XRCC4: variants seen among roughly 807,000 people sequenced by gnomAD.
The protein encoded by XRCC4 is DNA repair protein XRCC4.
A neutral mutation model predicts 39.1 loss-of-function variants in XRCC4; 28 were observed. The observed-to-expected ratio is 0.72, with a 90% CI of 0.53 to 0.98. XRCC4 has a LOEUF of 0.98. Among genes scored for constraint, XRCC4 ranks in the 50% least tolerant of loss-of-function variants. The pLI is 0.00. For missense variants in XRCC4, 350 were observed against 376.4 expected (o/e 0.93, Z 0.58); for synonymous variants, 123 against 126.4 (o/e 0.97, Z 0.18).
intron 3 of XRCC4, among the ~76,000 whole-genome samples, chr5:83,141,709 TA>T (rs1432338126): frequency 1.3e-5 from 2 of 152,166 alleles, no homozygotes; most frequent in African/African-American, 4.8e-5. Flanking sequence ...TTAGGGACAT[TA>T]ACACTTTATT....
In XRCC4 at chr5:83,353,249, CA is replaced by C. The variant is rs1176304411; in HGVS notation, c.*13del. ...CCTCTTTGATGAGATTTAACAGTCT[CA>C]AAAAATACTTTGATGTTCACTAGAC... On this transcript the variant is annotated 3_prime_UTR_variant, in exon 8 of 8. Transcript: ENST00000396027. 1.3e-6 allele frequency: 2 copies of C among 1,568,826 alleles called. No individual in the cohort carries two copies. The highest frequency in any genetic ancestry group is 1.9e-5 in the Admixed American group (1 of 52,124).
At chr5:83,277,105 A>G (rs1279825823) in intron 7 of XRCC4, among the ~76,000 whole-genome samples, 1 of 152,184 alleles carries the variant, frequency 6.6e-6, no homozygotes, top group Non-Finnish European at 1.5e-5. Flanking sequence ...ATTTGTTGGG[A>G]ACCTTTCAAG....
chr5:83,224,166 G>C (rs961046045), intron 6 of XRCC4, among the ~76,000 whole-genome samples: 2 of 151,824 alleles, frequency 1.3e-5, no homozygotes, highest in Admixed American at 1.3e-4. Context: ...CTGCAATTTT[G>C]TTTATTATTT....
intron 7 of XRCC4, among the ~76,000 whole-genome samples, chr5:83,284,053 A>AAAAAACC (rs1754648260): frequency 1.3e-5 from 1 of 74,690 alleles, no homozygotes; most frequent in African/African-American, 7.6e-5. Flanking sequence ...AACCCAGAGC[A>AAAAAACC]AAAAAAAAAA....
intron 4 of XRCC4, among the ~76,000 whole-genome samples, chr5:83,196,301 T>C (rs28360141): frequency 0.032 from 4,876 of 152,150 alleles, 126 homozygotes; most frequent in South Asian, 0.13. Flanking sequence ...AAAATAAGCA[T>C]AATTGATTTC....
At chr5:83,141,949 A>G (rs1205907440) in intron 3 of XRCC4, among the ~76,000 whole-genome samples, 1 of 152,072 alleles carries the variant, frequency 6.6e-6, no homozygotes, top group Non-Finnish European at 1.5e-5. Flanking sequence ...TTCTCTCTAT[A>G]TCTTTTACAC....
At chr5:83,240,635 A>C (rs1752872184) in intron 6 of XRCC4, among the ~76,000 whole-genome samples, 1 of 152,210 alleles carries the variant, frequency 6.6e-6, no homozygotes. Flanking sequence ...AAAAATGTCC[A>C]GGAAACACTT....
intron 6 of XRCC4, among the ~76,000 whole-genome samples, chr5:83,225,324 C>A (rs10036673): frequency 1.3e-5 from 2 of 151,920 alleles, no homozygotes; most frequent in African/African-American, 4.8e-5. Flanking sequence ...CTTCATGATG[C>A]GGCTGGGTGT....
chr5:83,156,348 T>C (rs1369211637), intron 3 of XRCC4, among the ~76,000 whole-genome samples: 1 of 151,680 alleles, frequency 6.6e-6, no homozygotes, highest in Non-Finnish European at 1.5e-5. Flanking sequence ...AATATGTTAT[T>C]TAGAGAGAGA....
chr5:83,174,562 C>G (rs1439699213), intron 3 of XRCC4, among the ~76,000 whole-genome samples: 1 of 152,042 alleles, frequency 6.6e-6, no homozygotes, highest in Non-Finnish European at 1.5e-5. Flanking sequence ...ATTTTTTGGC[C>G]ATGGATAAGT....
intron 3 of XRCC4, among the ~76,000 whole-genome samples, chr5:83,173,641 G>A (rs1355719859): frequency 2.6e-5 from 4 of 152,164 alleles, no homozygotes; most frequent in African/African-American, 9.6e-5. Context: ...TCAGGGGAAG[G>A]TAAGGACAGA....
intron 3 of XRCC4, among the ~76,000 whole-genome samples, chr5:83,149,019 A>G (rs917480110): frequency 2.6e-5 from 4 of 152,208 alleles, no homozygotes; most frequent in African/African-American, 4.8e-5. Flanking sequence ...GAATAGCACT[A>G]TCCAAAGCAA....
chr5:83,250,247 A>G (rs1207307190), intron 6 of XRCC4, among the ~76,000 whole-genome samples: 1 of 152,200 alleles, frequency 6.6e-6, no homozygotes, highest in African/African-American at 2.4e-5. Flanking sequence ...AATGATATAA[A>G]TTGAAGGCTT....
chr5:83,108,477 A>C (rs1008456933), intron 2 of XRCC4, among the ~76,000 whole-genome samples: 3 of 151,950 alleles, frequency 2.0e-5, no homozygotes, highest in Non-Finnish European at 4.4e-5. Flanking sequence ...AAATAAGAGG[A>C]TATCTAGGAT....
intron 6 of XRCC4, among the ~76,000 whole-genome samples, chr5:83,255,355 G>A (rs1243410267): frequency 6.6e-6 from 1 of 152,084 alleles, no homozygotes; most frequent in Non-Finnish European, 1.5e-5. Context: ...GTTTCCCATG[G>A]TGCAAACACA....
At chr5:83,239,567 C>T (rs965918903) in intron 6 of XRCC4, among the ~76,000 whole-genome samples, 16 of 152,292 alleles carry the variant, frequency 1.1e-4, no homozygotes, top group South Asian at 2.1e-4. Context: ...CAGTGGCTCA[C>T]GCCTGTAATC....
rs969467594 is a variant in XRCC4 at position 83,204,820 on chromosome 5, C to G, written c.644C>G (p.Thr215Ser). Residue 215 changes from threonine to serine, a missense_variant, in exon 6 of 8, where the codon ACT becomes AGT. Transcript: ENST00000396027. ...CTACCTTTCTCTGTTTCTAGGGAAA[C>G]TGCAATCTGTTCTGAAATGACTGCT... is the stretch of plus-strand genomic sequence containing the variant. ...REKDIKQEGE[T>S]AICSEMTADR... 6 of 1,606,886 alleles carry G rather than the reference C, an allele frequency of 3.7e-6. No homozygotes were observed. In the East Asian group the frequency reaches 8.9e-5, roughly 24 times the overall value.
chr5:83,309,411 A>G (rs1312537607), intron 7 of XRCC4, among the ~76,000 whole-genome samples: 1 of 148,748 alleles, frequency 6.7e-6, no homozygotes, highest in Non-Finnish European at 1.5e-5. Context: ...TTCTATTAAC[A>G]TTTAAGGGAA....
chr5:83,144,604 G>C (rs954215046), intron 3 of XRCC4, among the ~76,000 whole-genome samples: 4 of 118,888 alleles, frequency 3.4e-5, no homozygotes, highest in African/African-American at 1.4e-4. Flanking sequence ...ATCTATGAAT[G>C]TATGTCTTTC....
Sources: gnomAD v4.1 joint callset for allele counts (sites outside exome capture counted in the v4.1 genomes callset) on GRCh38, gnomAD v4.1.1 for gene constraint, MANE v1.5 for transcripts, NCBI Gene and HGNC (gene_info 2026-07-23, HGNC 2026-07-21) for gene names.